Variants in LGR6 observed in about 807,000 individuals in gnomAD.
LGR6 encodes leucine rich repeat containing G protein-coupled receptor 6.
Under a neutral mutation model 69.4 loss-of-function variants are expected in LGR6, and 45 were observed. The ratio of observed to expected loss-of-function variants is 0.65; its 90% CI spans 0.51 to 0.83. The LOEUF (loss-of-function observed/expected upper bound fraction) is 0.83. LGR6 is among the 40% of genes least tolerant of loss of function. The probability of loss-of-function intolerance (pLI) is 0.00; values close to 1 mark genes in which losing one functional copy is unlikely to be tolerated. For missense variants in LGR6, 1,108 were observed against 1,246.7 expected, an observed-to-expected ratio of 0.89 and a Z score of 1.68; for synonymous variants, 538 against 555.0, an observed-to-expected ratio of 0.97 and a Z score of 0.43.
At chr1:202,227,312 G>C (rs1176910286) in intron 2 of LGR6, among the ~76,000 whole-genome samples, 1 of 152,140 alleles carries the variant, frequency 6.6e-6, no homozygotes, top group Non-Finnish European at 1.5e-5. Flanking sequence ...ATTAAATTCT[G>C]CTCAGTCAGG....
chr1:202,290,964 G>C (rs763699402), intron 6 of LGR6, among the ~76,000 whole-genome samples: 13 of 152,204 alleles, frequency 8.5e-5, no homozygotes, highest in Non-Finnish European at 1.5e-4. Context: ...CTACAGGGAG[G>C]CTCCTCAGAG....
At chr1:202,242,043 A>ATG (rs1558029569) in intron 4 of LGR6, among the ~76,000 whole-genome samples, 1 of 152,142 alleles carries the variant, frequency 6.6e-6, no homozygotes, top group African/African-American at 2.4e-5. Context: ...TGGATAGATG[A>ATG]TGTGCTGGTG....
chr1:202,310,060 C>G, intron 15 of LGR6, 137 bp from the exon 16 acceptor site: 1 of 822,376 alleles, frequency 1.2e-6, no homozygotes, highest in Non-Finnish European at 2.0e-6. Context: ...ACTGCCAGCA[C>G]AGTGAACAGG....
chr1:202,258,136 C>A (rs1663931601), intron 4 of LGR6, among the ~76,000 whole-genome samples: 1 of 151,884 alleles, frequency 6.6e-6, no homozygotes, highest in Non-Finnish European at 1.5e-5. Context: ...GTACAGAAAT[C>A]CAATTGATTT....
intron 7 of LGR6, among the ~76,000 whole-genome samples, chr1:202,300,065 T>C (rs905478699): frequency 6.6e-6 from 1 of 152,190 alleles, no homozygotes; most frequent in African/African-American, 2.4e-5. Flanking sequence ...GTTTCTTTAT[T>C]TTAGGGCCTT....
chr1:202,245,748 C>T (rs564463425), intron 4 of LGR6, among the ~76,000 whole-genome samples: 2 of 152,226 alleles, frequency 1.3e-5, no homozygotes, highest in African/African-American at 2.4e-5. Flanking sequence ...ATCCCTCCCC[C>T]ATGGGGAGAG....
chr1:202,200,875 C>A (rs886569631), intron 1 of LGR6, among the ~76,000 whole-genome samples: 1 of 152,188 alleles, frequency 6.6e-6, no homozygotes, highest in Non-Finnish European at 1.5e-5. Flanking sequence ...ACTGTGCCCC[C>A]CGGAGCCATG....
rs1053338791 is a variant in LGR6 at position 202,288,003 on chromosome 1, GA to G, written c.716+7161del. Among the ~76,000 whole-genome samples, 39 of 147,834 alleles carry G rather than the reference GA, an allele frequency of 2.6e-4. 1 individual carries two copies. The highest frequency in any genetic ancestry group is 1.4e-3 in the East Asian group (7 of 5,114). ...TCCAGTGATTCCTCATCATACTCCA[GA>G]AAAAAAAAAGCCAACATTCTGTACT... On this transcript the variant is annotated intron_variant, in intron 6 of 17. Coordinates refer to ENST00000367278, the MANE Select transcript of LGR6 (RefSeq NM_001017403.2).
At chr1:202,297,479 C>T (rs788826) in intron 6 of LGR6, 29 bp from the exon 7 acceptor site, 841,965 of 1,600,572 alleles carry the variant, frequency 0.53, 226,058 homozygotes, top group East Asian at 0.71. Flanking sequence ...AAGCCTTTGC[C>T]CTAATGACTG....
chr1:202,240,543 G>C (rs142986856), intron 4 of LGR6, among the ~76,000 whole-genome samples: 61 of 152,224 alleles, frequency 4.0e-4, no homozygotes, highest in African/African-American at 1.3e-3. Context: ...AAGTTGGTCA[G>C]TTGACCTGCA....
intron 4 of LGR6, among the ~76,000 whole-genome samples, chr1:202,249,795 C>A (rs371357117): frequency 1.3e-5 from 2 of 152,102 alleles, no homozygotes; most frequent in Non-Finnish European, 2.9e-5. Flanking sequence ...ATTGTCTGCC[C>A]GCCATCATCA....
At chr1:202,201,918 C>T (rs1301527787) in intron 1 of LGR6, among the ~76,000 whole-genome samples, 1 of 152,144 alleles carries the variant, frequency 6.6e-6, no homozygotes, top group African/African-American at 2.4e-5. Context: ...TCTGCTGGAT[C>T]CTCTGGGAGG....
At position 202,318,828 on chromosome 1, in the gene LGR6, G is replaced by A. The variant is rs530370274; in HGVS notation, c.2525G>A (p.Arg842Gln). ...TTCCGGGATGACCTTCGGCGGCTTC[G>A]GCCCCGCGCAGGGGACTCAGGGCCC... ...PHFRDDLRRLRPRAGDSGPLA... is the reference protein window; with the variant it reads ...PHFRDDLRRLQPRAGDSGPLA... The change falls in exon 18 of 18, where the codon CGG becomes CAG. Residue 842 changes from arginine to glutamine, a missense_variant. Physicochemically the swap from Arg to Gln is conservative, Grantham distance 43 (BLOSUM62 1). Coordinates refer to ENST00000367278, the MANE Select transcript of LGR6 (RefSeq NM_001017403.2). 1.1e-5 allele frequency: 18 copies of A among 1,613,154 alleles called. No homozygotes were observed. The highest frequency in any genetic ancestry group is 2.2e-5 in the East Asian group (1 of 44,882).
At chr1:202,281,220 G>C (rs1665980495) in intron 6 of LGR6, among the ~76,000 whole-genome samples, 1 of 152,144 alleles carries the variant, frequency 6.6e-6, no homozygotes, top group African/African-American at 2.4e-5. Context: ...ATGGGGGTGG[G>C]GCTGGGGCTG....
chr1:202,255,631 T>C (rs1159428691), intron 4 of LGR6, among the ~76,000 whole-genome samples: 1 of 152,280 alleles, frequency 6.6e-6, no homozygotes, highest in African/African-American at 2.4e-5. Context: ...CTCTGACTCA[T>C]TGTAGAAAAT....
intron 9 of LGR6, among the ~76,000 whole-genome samples, chr1:202,301,985 C>G (rs1195295505): frequency 6.6e-6 from 1 of 152,096 alleles, no homozygotes; most frequent in African/African-American, 2.4e-5. Flanking sequence ...CGCCATTGCA[C>G]TCCAGCCTGG....
intron 3 of LGR6, among the ~76,000 whole-genome samples, chr1:202,232,079 C>A (rs1412054052): frequency 1.4e-5 from 2 of 142,842 alleles, no homozygotes; most frequent in Admixed American, 7.2e-5. Flanking sequence ...CCAGCCTGGA[C>A]AACAAGAGCA....
At chr1:202,252,885 A>G (rs1044978344) in intron 4 of LGR6, among the ~76,000 whole-genome samples, 2 of 152,238 alleles carry the variant, frequency 1.3e-5, no homozygotes, top group East Asian at 1.9e-4. Context: ...AGTAAGCCTT[A>G]GGGAGCATTT....
intron 6 of LGR6, among the ~76,000 whole-genome samples, chr1:202,296,215 G>A (rs557211249): frequency 2.6e-5 from 4 of 152,198 alleles, no homozygotes; most frequent in African/African-American, 9.6e-5. Context: ...GGAGGCTAGG[G>A]AGGGATGCTG....
Sources: gnomAD v4.1 joint callset for allele counts (sites outside exome capture counted in the v4.1 genomes callset) on GRCh38, gnomAD v4.1.1 for gene constraint, MANE v1.5 for transcripts, NCBI Gene and HGNC (gene_info 2026-07-23, HGNC 2026-07-21) for gene names.